TRAPPC12: variants seen among roughly 807,000 people sequenced by gnomAD.
The protein encoded by TRAPPC12 is trafficking protein particle complex subunit 12, also known as TPR repeat protein 15.
In TRAPPC12, 61 loss-of-function variants were observed where a neutral mutation model predicts 69.2. The ratio of observed to expected loss-of-function variants is 0.88; its 90% CI spans 0.72 to 1.09. The LOEUF is 1.09. Among genes scored for constraint, TRAPPC12 ranks in the 50% least tolerant of loss-of-function variants. The pLI is 0.00. For missense variants in TRAPPC12, 1,101 were observed against 1,016.4 expected (o/e 1.08, Z -1.13); for synonymous variants, 469 against 438.9 (o/e 1.07, Z -0.86).
At chr2:3,447,050 G>T (rs755264873) in intron 6 of TRAPPC12, among the ~76,000 whole-genome samples, 1 of 152,036 alleles carries the variant, frequency 6.6e-6, no homozygotes, top group Non-Finnish European at 1.5e-5. Context: ...AGTCCTGCAG[G>T]CTGTACAAGA....
intron 6 of TRAPPC12, among the ~76,000 whole-genome samples, chr2:3,448,876 C>T (rs1664700041): frequency 6.6e-6 from 1 of 151,906 alleles, no homozygotes; most frequent in Admixed American, 6.5e-5. Context: ...GGCCGACTTC[C>T]CCTGTGTTGA....
At chr2:3,433,592 T>C (rs1172791839) in intron 5 of TRAPPC12, among the ~76,000 whole-genome samples, 1 of 152,230 alleles carries the variant, frequency 6.6e-6, no homozygotes, top group African/African-American at 2.4e-5. Flanking sequence ...GAAGCTGAAA[T>C]GTCATCTTTG....
At chr2:3,451,146 T>C (rs182908283) in intron 6 of TRAPPC12, among the ~76,000 whole-genome samples, 121 of 152,352 alleles carry the variant, frequency 7.9e-4, no homozygotes, top group African/African-American at 2.8e-3. Flanking sequence ...ATTCAAGGCG[T>C]GTAATTTTCT....
intron 6 of TRAPPC12, among the ~76,000 whole-genome samples, chr2:3,446,903 C>A (rs1206427431): frequency 6.6e-6 from 1 of 152,204 alleles, no homozygotes; most frequent in African/African-American, 2.4e-5. Flanking sequence ...CATGATCCTC[C>A]AGAATTTAAA....
chr2:3,410,284 CAA>C (rs1418282474), intron 3 of TRAPPC12, among the ~76,000 whole-genome samples: 1 of 152,160 alleles, frequency 6.6e-6, no homozygotes, highest in African/African-American at 2.4e-5. Context: ...GAAACCGTAA[CAA>C]GAGCATAAAC....
At chr2:3,426,775 C>T (rs1250550016) in intron 5 of TRAPPC12, among the ~76,000 whole-genome samples, 4 of 152,248 alleles carry the variant, frequency 2.6e-5, no homozygotes, top group African/African-American at 4.8e-5. Flanking sequence ...CTCTCTCCCC[C>T]GGAGCAAGTC....
At position 3,414,101 on chromosome 2, in the gene TRAPPC12, C is replaced by T. The variant is rs58045191; in HGVS notation, c.1165-7780C>T. 0.13 allele frequency among the ~76,000 whole-genome samples: 19,403 copies of T among 151,986 alleles called. 1,353 individuals are homozygous for T. The highest frequency in any genetic ancestry group is 0.28 in the Middle Eastern group (82 of 294). ...CCCAAAGAATTAGAAAACTAGGTACCCCTCACACATTTTTAAGCTATCTAA... is the reference window on the plus strand; with the variant it reads ...CCCAAAGAATTAGAAAACTAGGTACTCCTCACACATTTTTAAGCTATCTAA... On this transcript the variant is annotated intron_variant, in intron 3 of 11. Coordinates refer to ENST00000324266, the MANE Select transcript of TRAPPC12 (RefSeq NM_016030.6). The surrounding 1 kb of genome is among the most constrained non-coding windows in gnomAD (Gnocchi z 4.9).
intron 10 of TRAPPC12, chr2:3,478,066 G>T: frequency 3.5e-6 from 1 of 287,792 alleles, no homozygotes; most frequent in Non-Finnish European, 6.5e-6. Context: ...GCGTATGTGT[G>T]TGTAAAGGTC....
In TRAPPC12 at chr2:3,423,524, G is replaced by A. The variant is rs542024980; in HGVS notation, c.1279-1001G>A. On this transcript the variant is annotated intron_variant, in intron 4 of 11. Transcript: ENST00000324266. ...GGCCCTCCTCCCCACCCCCAGCCCCGGCACCCGCCATCTACTCTGCTTCTG... is the reference window on the plus strand; with the variant it reads ...GGCCCTCCTCCCCACCCCCAGCCCCAGCACCCGCCATCTACTCTGCTTCTG... Among the ~76,000 whole-genome samples the A allele has an allele frequency of 4.3e-3, 226 of 52,826 alleles. 1 individual carries two copies. Among genetic ancestry groups the A allele is most frequent in the African/African-American group, 0.016 (218 of 13,466 alleles). The allele number at this position is 52,826 out of a possible 152,430, so 34.7% of individuals were successfully genotyped here. A position where few individuals can be genotyped will look rare whatever the true frequency, so the allele number is the denominator to read the frequency against.
chr2:3,455,058 G>C (rs1665067278), intron 6 of TRAPPC12: 2 of 152,258 alleles, frequency 1.3e-5, no homozygotes, highest in African/African-American at 4.8e-5. Flanking sequence ...CTGCTGACCT[G>C]GTGCGCCACA....
At chr2:3,413,225 T>A (rs1471875144) in intron 3 of TRAPPC12, among the ~76,000 whole-genome samples, 1 of 152,248 alleles carries the variant, frequency 6.6e-6, no homozygotes, top group African/African-American at 2.4e-5. Flanking sequence ...TTGCTTTTTG[T>A]ACTGCTTCCA....
intron 8 of TRAPPC12, 76 bp from the exon 9 acceptor site, chr2:3,465,521 C>G: frequency 9.8e-7 from 1 of 1,022,794 alleles, no homozygotes; most frequent in Non-Finnish European, 1.6e-6. Context: ...TCTGTATACA[C>G]TTGTGCTCTT....
At position 3,388,512 on chromosome 2, in the gene TRAPPC12, G is replaced by T. The variant is rs759458791; in HGVS notation, c.889G>T (p.Ala297Ser). The T allele has an allele frequency of 8.7e-6, 14 of 1,612,834 alleles. No individual in the cohort carries two copies. The Admixed American group carries it at 1.0e-4, about 12-fold the overall frequency. The change falls in exon 2 of 12, where the codon GCC becomes TCC. Residue 297 changes from alanine (A) to serine (S), a missense_variant. Transcript: ENST00000324266. ...AGGGAGTGACGACCCCTTTGCCACC[G>T]CCCTGAGCATGAGCGAGATGGACCG... is the stretch of plus-strand genomic sequence containing the variant. Reference protein sequence around the residue: ...FAGSDDPFATALSMSEMDRRN... With the variant: ...FAGSDDPFATSLSMSEMDRRN...
At chr2:3,422,082 CAAA>C in intron 4 of TRAPPC12, 88 bp downstream of exon 4, 1 of 983,024 alleles carries the variant, frequency 1.0e-6, no homozygotes, top group Non-Finnish European at 1.6e-6. Flanking sequence ...ATGCCAATAA[CAAA>C]AAGTATGTTT....
intron 2 of TRAPPC12, chr2:3,389,834 G>A: frequency 4.3e-6 from 2 of 468,746 alleles, no homozygotes; most frequent in Non-Finnish European, 8.8e-6. Context: ...GCAGAGAGGG[G>A]AGGCGAGGGT....
At chr2:3,460,587 GATTTA>G in intron 8 of TRAPPC12, 1 of 448,500 alleles carries the variant, frequency 2.2e-6, no homozygotes, top group Non-Finnish European at 3.9e-6. Context: ...GGGTCTAAAT[GATTTA>G]ATTAAAAGTA....
intron 3 of TRAPPC12, among the ~76,000 whole-genome samples, chr2:3,419,131 G>A (rs1399570789): frequency 6.6e-6 from 1 of 152,138 alleles, no homozygotes; most frequent in Non-Finnish European, 1.5e-5. Context: ...ATTAACTCCT[G>A]CCTGTCCTCA....
chr2:3,403,455 T>C (rs1339046768), intron 3 of TRAPPC12, among the ~76,000 whole-genome samples: 1 of 152,170 alleles, frequency 6.6e-6, no homozygotes, highest in Non-Finnish European at 1.5e-5. Flanking sequence ...GGTCTTGAAC[T>C]CCTGACCTCA....
rs1370296267 is a variant in TRAPPC12 at position 3,388,153 on chromosome 2, C to T, written c.530C>T (p.Pro177Leu). ...APPASGDGFEPQMVKSPSFGG... is the reference protein window; with the variant it reads ...APPASGDGFELQMVKSPSFGG... ...CCAGCCTCCGGGGACGGCTTCGAGC[C>T]GCAGATGGTGAAGTCGCCCAGCTTC... Residue 177 changes from proline to leucine, a missense_variant, in exon 2 of 12, where the codon CCG becomes CTG. By Grantham distance (98) the Pro-to-Leu change is moderately conservative. Transcript: ENST00000324266. The T allele has an allele frequency of 6.2e-7, 1 of 1,605,340 alleles. No homozygotes were observed. Among genetic ancestry groups the T allele is most frequent in the Non-Finnish European group, 8.5e-7 (1 of 1,176,638 alleles).
Sources: gnomAD v4.1 joint callset for allele counts (sites outside exome capture counted in the v4.1 genomes callset) on GRCh38, gnomAD v4.1.1 for gene constraint, Gnocchi (gnomAD v3.1) non-coding constraint, MANE v1.5 for transcripts, NCBI Gene and HGNC (gene_info 2026-07-23, HGNC 2026-07-21) for gene names.